The following MICU1 variants were observed in gnomAD, a reference collection of about 807,000 sequenced individuals.
The protein encoded by MICU1 is calcium uptake protein 1, mitochondrial.
MICU1 carries 45 observed loss-of-function variants against 56.8 expected under a neutral mutation model. That is an observed-to-expected ratio of 0.79 (90% CI 0.62 to 1.02). The LOEUF is 1.02. Ranked by LOEUF, MICU1 falls within the 50% of genes least tolerant of loss-of-function variation. MICU1 has a pLI of 0.00. For synonymous variants in MICU1, 186 were observed against 195.1 expected, an observed-to-expected ratio of 0.95 and a Z score of 0.39; for missense variants, 504 against 587.1, an observed-to-expected ratio of 0.86 and a Z score of 1.46.
intron 10 of MICU1, among the ~76,000 whole-genome samples, chr10:72,382,118 C>CT (rs571239001): frequency 0.023 from 3,329 of 143,944 alleles, 64 homozygotes; most frequent in African/African-American, 0.054. Flanking sequence ...GATCTGAATT[C>CT]TTTTTTTTTT....
At chr10:72,513,680 CT>C (rs923686831) in intron 5 of MICU1, among the ~76,000 whole-genome samples, 11 of 151,012 alleles carry the variant, frequency 7.3e-5, no homozygotes, top group East Asian at 1.9e-4. Context: ...AGCATTTGCT[CT>C]TTTTTTTTAG....
intron 8 of MICU1, among the ~76,000 whole-genome samples, chr10:72,442,123 A>T (rs1386215262): frequency 1.3e-5 from 2 of 152,122 alleles, no homozygotes; most frequent in South Asian, 4.1e-4. Flanking sequence ...TCCCTAAAAT[A>T]TGCAATATAA....
intron 5 of MICU1, among the ~76,000 whole-genome samples, chr10:72,526,696 AAG>A (rs1564919341): frequency 6.6e-6 from 1 of 152,342 alleles, no homozygotes; most frequent in Middle Eastern, 3.4e-3. Flanking sequence ...CAATATTTGA[AAG>A]AGTTAATAAA....
At chr10:72,551,708 T>C (rs1840039924) in intron 3 of MICU1, among the ~76,000 whole-genome samples, 1 of 152,198 alleles carries the variant, frequency 6.6e-6, no homozygotes, top group African/African-American at 2.4e-5. Flanking sequence ...ATGCCATATA[T>C]ATGCCAACCT....
At chr10:72,537,165 T>C (rs1839657943) in intron 4 of MICU1, among the ~76,000 whole-genome samples, 1 of 152,230 alleles carries the variant, frequency 6.6e-6, no homozygotes, top group South Asian at 2.1e-4. Context: ...ACTTTCATTA[T>C]TTCAAGTTGA....
At chr10:72,580,715 G>A (rs1267831227) in intron 1 of MICU1, among the ~76,000 whole-genome samples, 1 of 152,174 alleles carries the variant, frequency 6.6e-6, no homozygotes, top group Non-Finnish European at 1.5e-5. Context: ...GACCTCAGGT[G>A]ATCCACCCAC....
intron 6 of MICU1, among the ~76,000 whole-genome samples, chr10:72,486,481 T>A (rs1866479696): frequency 6.6e-6 from 1 of 152,158 alleles, no homozygotes; most frequent in Non-Finnish European, 1.5e-5. Flanking sequence ...TTTTGTTTTG[T>A]TTTGTTTTGA....
chr10:72,507,592 T>G (rs1174782756), intron 6 of MICU1, among the ~76,000 whole-genome samples: 1 of 152,198 alleles, frequency 6.6e-6, no homozygotes, highest in Non-Finnish European at 1.5e-5. Context: ...ATGACTCACC[T>G]TGACAGAATA....
chr10:72,374,395 G>A (rs927928985), intron 11 of MICU1, among the ~76,000 whole-genome samples: 2 of 152,126 alleles, frequency 1.3e-5, no homozygotes, highest in Non-Finnish European at 2.9e-5. Flanking sequence ...TAAAGTGCTG[G>A]GATTACAGGT....
intron 1 of MICU1, among the ~76,000 whole-genome samples, chr10:72,575,216 TCA>T (rs1382097464): frequency 6.6e-6 from 1 of 152,174 alleles, no homozygotes; most frequent in Non-Finnish European, 1.5e-5. Context: ...AACACTCATC[TCA>T]CACATGTAAG....
At chr10:72,490,856 G>A (rs1014271856) in intron 6 of MICU1, among the ~76,000 whole-genome samples, 1 of 152,192 alleles carries the variant, frequency 6.6e-6, no homozygotes, top group Non-Finnish European at 1.5e-5. Flanking sequence ...AGGAGGCAGC[G>A]AGTTTAATCT....
rs779981004 is a variant in MICU1, at chr10:72,551,387, A to G, written c.331-46T>C. On this transcript the variant is annotated intron_variant, in intron 3 of 11. Coordinates refer to ENST00000361114, the MANE Select transcript of MICU1 (RefSeq NM_001195518.2). ...AGTGTTACTATATTAAGCAATGCTCATATGCTCATATATTCTTATCATCAC... is the reference window on the plus strand; with the variant it reads ...AGTGTTACTATATTAAGCAATGCTCGTATGCTCATATATTCTTATCATCAC... 3.0e-6 allele frequency: 4 copies of G among 1,335,464 alleles called. No individual in the cohort carries two copies. In the South Asian group the frequency reaches 6.1e-5, roughly 21 times the overall value. The allele number at this position is 1,335,464 out of a possible 1,614,324, so 82.7% of individuals were successfully genotyped here.
intron 4 of MICU1, among the ~76,000 whole-genome samples, chr10:72,538,287 G>A (rs1426569328): frequency 6.6e-6 from 1 of 152,056 alleles, no homozygotes; most frequent in Admixed American, 6.5e-5. Flanking sequence ...ACAGATTTTA[G>A]TGAGAATATA....
chr10:72,451,041 T>TTTG (rs1389318122), intron 8 of MICU1, among the ~76,000 whole-genome samples: 2 of 150,184 alleles, frequency 1.3e-5, no homozygotes, highest in Middle Eastern at 3.4e-3. Context: ...TTTTTTTTTT[T>TTTG]TTGAGACAGA....
At chr10:72,448,554 C>T (rs1865196128) in intron 8 of MICU1, among the ~76,000 whole-genome samples, 1 of 151,958 alleles carries the variant, frequency 6.6e-6, no homozygotes, top group African/African-American at 2.4e-5. Context: ...GATTGGAACA[C>T]AATATATAGA....
intron 5 of MICU1, among the ~76,000 whole-genome samples, chr10:72,521,723 A>G (rs1187925807): frequency 6.6e-6 from 1 of 152,034 alleles, no homozygotes; most frequent in East Asian, 1.9e-4. Flanking sequence ...GGGTATCTAT[A>G]TTGTTCACAA....
At chr10:72,446,141 G>A (rs770261689) in intron 8 of MICU1, among the ~76,000 whole-genome samples, 11 of 152,128 alleles carry the variant, frequency 7.2e-5, no homozygotes, top group Non-Finnish European at 1.3e-4. Flanking sequence ...CTGCACCACC[G>A]ATGCTCTTGA....
Position 72,372,092 on chromosome 10 carries a change from G to C in MICU1, c.1270+3691C>G, listed in dbSNP as rs1862364674. 1.3e-5 allele frequency among the ~76,000 whole-genome samples: 2 copies of C among 151,980 alleles called. 1 individual carries two copies. The highest frequency in any genetic ancestry group is 4.8e-5 in the African/African-American group (2 of 41,398). ...AAAAGAAAAAAATAAATGTAGGCCA[G>C]GTGTGGTGGCTCATGCTTGTAATCT... On this transcript the variant is annotated intron_variant, in intron 11 of 11. Coordinates refer to ENST00000361114, the MANE Select transcript of MICU1 (RefSeq NM_001195518.2).
intron 9 of MICU1, among the ~76,000 whole-genome samples, chr10:72,410,836 T>A (rs1322403784): frequency 1.3e-5 from 2 of 152,136 alleles, no homozygotes; most frequent in South Asian, 4.1e-4. Context: ...CTAGCTAGAA[T>A]CAAATTTAGA....
Sources: gnomAD v4.1 joint callset for allele counts (sites outside exome capture counted in the v4.1 genomes callset) on GRCh38, gnomAD v4.1.1 for gene constraint, MANE v1.5 for transcripts, NCBI Gene and HGNC (gene_info 2026-07-23, HGNC 2026-07-21) for gene names.